DLG2: variants seen among roughly 807,000 people sequenced by gnomAD.
The protein encoded by DLG2 is discs large MAGUK scaffold protein 2.
A neutral mutation model predicts 132.5 loss-of-function variants in DLG2; 45 were observed. That is an observed-to-expected ratio of 0.34 (90% CI 0.27 to 0.44). The LOEUF is 0.44. Ranked by LOEUF, DLG2 falls within the 20% of genes least tolerant of loss-of-function variation. The pLI, the probability that DLG2 is intolerant of heterozygous loss-of-function variation, is 1.00. For missense variants in DLG2, 1,045 were observed against 1,196.9 expected, an observed-to-expected ratio of 0.87 and a Z score of 1.87; for synonymous variants, 424 against 419.6, an observed-to-expected ratio of 1.01 and a Z score of -0.13.
chr11:83,785,773 T>C (rs892780237), intron 18 of DLG2, among the ~76,000 whole-genome samples: 6 of 152,186 alleles, frequency 3.9e-5, no homozygotes, highest in Non-Finnish European at 7.3e-5. Flanking sequence ...AAATCATCAC[T>C]TGAAAAGGAG....
chr11:84,348,296 C>G (rs1418804073), intron 7 of DLG2, among the ~76,000 whole-genome samples: 1 of 151,972 alleles, frequency 6.6e-6, no homozygotes. Flanking sequence ...AAAAATAAAG[C>G]TCAAGGACGT....
At chr11:84,674,504 C>G (rs527730811) in intron 6 of DLG2, among the ~76,000 whole-genome samples, 1 of 152,206 alleles carries the variant, frequency 6.6e-6, no homozygotes, top group Admixed American at 6.5e-5. Flanking sequence ...CTTCTTCAAT[C>G]TCCCATTCAA....
intron 8 of DLG2, among the ~76,000 whole-genome samples, chr11:84,190,318 T>C (rs1352663015): frequency 6.6e-6 from 1 of 152,210 alleles, no homozygotes; most frequent in African/African-American, 2.4e-5. Flanking sequence ...AGGACTTTAC[T>C]ATGACTAGAA....
intron 6 of DLG2, among the ~76,000 whole-genome samples, chr11:84,780,085 T>C (rs922486310): frequency 1.6e-4 from 25 of 151,904 alleles, no homozygotes; most frequent in Non-Finnish European, 8.8e-5. Flanking sequence ...ACAACAAAAA[T>C]AGAAAATTAT....
chr11:85,518,453 C>A (rs563165604), intron 3 of DLG2, among the ~76,000 whole-genome samples: 1 of 152,208 alleles, frequency 6.6e-6, no homozygotes, highest in African/African-American at 2.4e-5. Flanking sequence ...GAACTTTCAA[C>A]TTAAGAGAGA....
chr11:84,143,299 T>C (rs1040882695), intron 9 of DLG2, among the ~76,000 whole-genome samples: 1 of 152,160 alleles, frequency 6.6e-6, no homozygotes, highest in African/African-American at 2.4e-5. Context: ...GGAGATAACA[T>C]ATTAGCTGGG....
At chr11:84,830,679 T>C (rs1471151955) in intron 6 of DLG2, among the ~76,000 whole-genome samples, 1 of 151,530 alleles carries the variant, frequency 6.6e-6, no homozygotes, top group Non-Finnish European at 1.5e-5. Context: ...ATGCTCTGAC[T>C]GAAGCCTGCA....
At chr11:84,151,922 T>G (rs1311500204) in intron 9 of DLG2, among the ~76,000 whole-genome samples, 4 of 152,220 alleles carry the variant, frequency 2.6e-5, no homozygotes, top group Non-Finnish European at 5.9e-5. Context: ...TTGGTATGAT[T>G]TTTATTTCTT....
chr11:84,292,554 CA>C (rs1340746827), intron 7 of DLG2, among the ~76,000 whole-genome samples: 11 of 152,282 alleles, frequency 7.2e-5, no homozygotes, highest in Admixed American at 5.9e-4. Flanking sequence ...GGCTGCCTAC[CA>C]TAGCCAATTC....
chr11:83,736,945 A>AATT (rs2091979082), intron 18 of DLG2, among the ~76,000 whole-genome samples: 3 of 151,714 alleles, frequency 2.0e-5, no homozygotes, highest in Admixed American at 1.3e-4. Flanking sequence ...TGGGTGGTAC[A>AATT]ATTCCAAGAT....
intron 6 of DLG2, among the ~76,000 whole-genome samples, chr11:84,670,191 C>T (rs1345673420): frequency 1.3e-5 from 2 of 152,100 alleles, no homozygotes; most frequent in African/African-American, 4.8e-5. Flanking sequence ...TTACACCATT[C>T]TGAGCCTTCC....
At chr11:84,394,803 G>C (rs2098805551) in intron 7 of DLG2, among the ~76,000 whole-genome samples, 1 of 152,020 alleles carries the variant, frequency 6.6e-6, no homozygotes, top group African/African-American at 2.4e-5. Context: ...TGTATTTTCA[G>C]TAGAGATGGG....
chr11:84,446,571 T>TG (rs2099035638), intron 7 of DLG2, among the ~76,000 whole-genome samples: 1 of 152,098 alleles, frequency 6.6e-6, no homozygotes, highest in Non-Finnish European at 1.5e-5. Flanking sequence ...CAATTTTTTT[T>TG]TTTTTTGACT....
rs933033978 is a variant in DLG2, at chr11:84,790,449, A to G, written c.358-255718T>C. ...AATCAAATTATTGAATGTTTTCTATAGAGTTGTTTGAGCTCCTTATATATT... is the reference window on the plus strand; with the variant it reads ...AATCAAATTATTGAATGTTTTCTATGGAGTTGTTTGAGCTCCTTATATATT... On this transcript the variant is annotated intron_variant, in intron 6 of 27. Transcript: ENST00000376104. 1.1e-4 allele frequency among the ~76,000 whole-genome samples: 16 copies of G among 152,124 alleles called. No individual in the cohort carries two copies. The East Asian group carries it at 3.1e-3, about 29-fold the overall frequency.
chr11:83,612,373 G>A (rs651491), intron 19 of DLG2, among the ~76,000 whole-genome samples: 93,025 of 152,072 alleles, frequency 0.61, 28,630 homozygotes, highest in East Asian at 0.68. Context: ...ATTAAATAAG[G>A]TTAAATGAGA....
At chr11:84,909,010 G>A (rs1279591092) in intron 6 of DLG2, among the ~76,000 whole-genome samples, 1 of 151,760 alleles carries the variant, frequency 6.6e-6, no homozygotes, top group Non-Finnish European at 1.5e-5. Context: ...AGACTTAAGT[G>A]GCAGGGTTAC....
rs573232147 is a variant in DLG2, at chr11:83,861,903, A to G, written c.1565+12517T>C. 4.6e-4 allele frequency among the ~76,000 whole-genome samples: 70 copies of G among 152,280 alleles called. No individual in the cohort carries two copies. The Middle Eastern group carries it at 0.021, about 45-fold the overall frequency. Reference sequence around the variant, plus strand: ...TGCATTGTTTGTAACTCAAAGGATAAATGCTTGAGGGGACAGACACCCCGT... The same window carrying G: ...TGCATTGTTTGTAACTCAAAGGATAGATGCTTGAGGGGACAGACACCCCGT... On this transcript the variant is annotated intron_variant, in intron 16 of 27. Coordinates refer to ENST00000376104, the MANE Select transcript of DLG2 (RefSeq NM_001142699.3).
At chr11:85,146,230 CT>C (rs1453532789) in intron 5 of DLG2, among the ~76,000 whole-genome samples, 6 of 94,600 alleles carry the variant, frequency 6.3e-5, no homozygotes, top group African/African-American at 2.4e-4. Context: ...GTTTCTCCCT[CT>C]CTCTCTCTCT....
chr11:83,786,656 T>C, intron 18 of DLG2, 34 bp downstream of exon 18: 1 of 1,531,294 alleles, frequency 6.5e-7, no homozygotes, highest in Non-Finnish European at 9.1e-7. Context: ...CACAGAGACA[T>C]ATCAGAACAT....
Sources: gnomAD v4.1 joint callset for allele counts (sites outside exome capture counted in the v4.1 genomes callset) on GRCh38, gnomAD v4.1.1 for gene constraint, MANE v1.5 for transcripts, NCBI Gene and HGNC (gene_info 2026-07-23, HGNC 2026-07-21) for gene names.